ZNF385B: variants seen among roughly 807,000 people sequenced by gnomAD.
ZNF385B encodes zinc finger protein 385B.
A neutral mutation model predicts 39.2 loss-of-function variants in ZNF385B; 23 were observed. The observed-to-expected ratio is 0.59, with a 90% CI of 0.42 to 0.83. The LOEUF (loss-of-function observed/expected upper bound fraction) is 0.83. Ranked by LOEUF, ZNF385B falls within the 40% of genes least tolerant of loss-of-function variation. ZNF385B has a pLI of 0.00. For missense variants in ZNF385B, 552 were observed against 598.9 expected (o/e 0.92, Z 0.82); for synonymous variants, 205 against 222.6 (o/e 0.92, Z 0.70).
At chr2:179,680,362 C>A (rs1002887372) in intron 3 of ZNF385B, among the ~76,000 whole-genome samples, 5 of 152,096 alleles carry the variant, frequency 3.3e-5, no homozygotes, top group African/African-American at 1.2e-4. Flanking sequence ...CATAACATCT[C>A]TAAAAGGCTG....
intron 3 of ZNF385B, chr2:179,562,374 A>G (rs1295193962): frequency 1.0e-6 from 1 of 984,730 alleles, no homozygotes; most frequent in Non-Finnish European, 1.2e-6. Flanking sequence ...TAAGATGTAA[A>G]TGTGGGTCAG....
At chr2:179,493,621 A>ATG (rs2055594909) in intron 5 of ZNF385B, among the ~76,000 whole-genome samples, 1 of 87,866 alleles carries the variant, frequency 1.1e-5, no homozygotes, top group African/African-American at 4.0e-5. Flanking sequence ...ACGTACATAT[A>ATG]TGTATACGCA....
At chr2:179,843,964 T>C (rs996913725) in intron 1 of ZNF385B, among the ~76,000 whole-genome samples, 2 of 152,226 alleles carry the variant, frequency 1.3e-5, no homozygotes, top group Non-Finnish European at 2.9e-5. Flanking sequence ...CCCCATTCAG[T>C]GAACAGCTTT....
intron 1 of ZNF385B, among the ~76,000 whole-genome samples, chr2:179,798,564 A>ACT (rs1467515004): frequency 6.6e-6 from 1 of 152,166 alleles, no homozygotes; most frequent in East Asian, 1.9e-4. Flanking sequence ...CCAGTATGCA[A>ACT]GGACACAAAC....
chr2:179,765,648 C>T (rs1292708102), intron 3 of ZNF385B, among the ~76,000 whole-genome samples: 1 of 152,176 alleles, frequency 6.6e-6, no homozygotes, highest in Non-Finnish European at 1.5e-5. Context: ...CAACCAGCAG[C>T]TTCTGTACTC....
At position 179,626,647 on chromosome 2, in the gene ZNF385B, G is replaced by A. The variant is rs1200707528; in HGVS notation, c.299-81678C>T. Among the ~76,000 whole-genome samples, 6 of 152,214 alleles carry A rather than the reference G, an allele frequency of 3.9e-5. No individual in the cohort carries two copies. In the East Asian group the frequency reaches 9.6e-4, roughly 24 times the overall value. The stretch of plus-strand genomic sequence containing the variant: ...AATAAACTGAAAAACATTTGTATAT[G>A]CATATAATTCAGTAATCTTGAAAAC... On this transcript the variant is annotated intron_variant, in intron 3 of 9. Transcript: ENST00000410066.
At chr2:179,444,225 C>T (rs1407282707) in intron 9 of ZNF385B, among the ~76,000 whole-genome samples, 1 of 152,216 alleles carries the variant, frequency 6.6e-6, no homozygotes, top group Non-Finnish European at 1.5e-5. Context: ...TCAGAATTGC[C>T]TCCAGCTGGA....
chr2:179,739,538 T>G (rs1701967440), intron 3 of ZNF385B, among the ~76,000 whole-genome samples: 1 of 152,214 alleles, frequency 6.6e-6, no homozygotes. Context: ...TTCAGGGTGT[T>G]AAAGTCACTT....
At chr2:179,821,837 C>T (rs1440630303) in intron 1 of ZNF385B, among the ~76,000 whole-genome samples, 1 of 151,988 alleles carries the variant, frequency 6.6e-6, no homozygotes, top group African/African-American at 2.4e-5. Context: ...TGAAATGGTA[C>T]AGTTCATAAT....
chr2:179,721,457 A>G (rs893648857), intron 3 of ZNF385B, among the ~76,000 whole-genome samples: 1 of 152,166 alleles, frequency 6.6e-6, no homozygotes, highest in Admixed American at 6.6e-5. Context: ...AAAGGAAGAC[A>G]TATTTCTTAA....
chr2:179,760,225 T>TGC (rs1379854834), intron 3 of ZNF385B, among the ~76,000 whole-genome samples: 10 of 112,938 alleles, frequency 8.9e-5, no homozygotes, highest in Non-Finnish European at 1.6e-4. Flanking sequence ...CCTGTGTGCG[T>TGC]GTGTGTGTGT....
intron 3 of ZNF385B, among the ~76,000 whole-genome samples, chr2:179,548,387 T>C (rs1179866553): frequency 1.4e-5 from 2 of 147,560 alleles, no homozygotes; most frequent in Non-Finnish European, 3.0e-5. Flanking sequence ...AGCTCTCTGG[T>C]AGGCAGACTC....
chr2:179,459,588 A>AGTGT (rs3053314), intron 6 of ZNF385B, among the ~76,000 whole-genome samples: 26,764 of 145,842 alleles, frequency 0.18, 2,477 homozygotes, highest in South Asian at 0.26. Context: ...AGAGAAAATA[A>AGTGT]GTGTGTGTGT....
chr2:179,548,521 G>A (rs987970437), intron 3 of ZNF385B, among the ~76,000 whole-genome samples: 1 of 149,474 alleles, frequency 6.7e-6, no homozygotes, highest in Non-Finnish European at 1.5e-5. Flanking sequence ...TATTAACAGA[G>A]TTGTTATATT....
intron 3 of ZNF385B, among the ~76,000 whole-genome samples, chr2:179,752,554 G>C (rs1335125651): frequency 6.6e-6 from 1 of 152,188 alleles, no homozygotes; most frequent in Non-Finnish European, 1.5e-5. Flanking sequence ...CCCACCAACA[G>C]TGTAAAAGTG....
At chr2:179,563,405 C>A (rs1249541995) in intron 3 of ZNF385B, among the ~76,000 whole-genome samples, 1 of 152,162 alleles carries the variant, frequency 6.6e-6, no homozygotes, top group Non-Finnish European at 1.5e-5. Flanking sequence ...ATGACTGATG[C>A]TTGCAAATGT....
chr2:179,791,900 G>C (rs1203922025), intron 1 of ZNF385B, among the ~76,000 whole-genome samples: 1 of 152,078 alleles, frequency 6.6e-6, no homozygotes, highest in Non-Finnish European at 1.5e-5. Context: ...GAGATTACAG[G>C]TGCCTTGCCA....
Position 179,745,875 on chromosome 2 carries a change from C to T in ZNF385B, c.298+23628G>A, listed in dbSNP as rs1026107351. The T allele has an allele frequency of 2.3e-6, 3 of 1,281,446 alleles. No individual in the cohort carries two copies. In the South Asian group the frequency reaches 8.9e-5, roughly 38 times the overall value. 79.4% of individuals were successfully genotyped at this position (1,281,446 alleles called of 1,614,324 possible). A position where few individuals can be genotyped will look rare whatever the true frequency, so the allele number is the denominator to read the frequency against. ...TCTGTGTGACAGCACCACGTTATAT[C>T]AGTGCCGCTCCAAGCCTTCCCAGTT... is the stretch of plus-strand genomic sequence containing the variant. On this transcript the variant is annotated intron_variant, in intron 3 of 9. Coordinates refer to ENST00000410066, the MANE Select transcript of ZNF385B (RefSeq NM_152520.6).
In ZNF385B at chr2:179,496,767, G is replaced by A. The variant is rs1344849178; in HGVS notation, c.553-13333C>T. 1.2e-4 allele frequency among the ~76,000 whole-genome samples: 18 copies of A among 152,294 alleles called. No homozygotes were observed. The East Asian group carries it at 3.3e-3, about 28-fold the overall frequency. On this transcript the variant is annotated intron_variant, in intron 5 of 9. Transcript: ENST00000410066. ...AAATATCCTTCAAACATGATGGAGA[G>A]GCCAGGAGTGTTGGCTCATGCCTGT...
Sources: gnomAD v4.1 joint callset for allele counts (sites outside exome capture counted in the v4.1 genomes callset) on GRCh38, gnomAD v4.1.1 for gene constraint, MANE v1.5 for transcripts, NCBI Gene and HGNC (gene_info 2026-07-23, HGNC 2026-07-21) for gene names.